The following TMED7 variants were observed in gnomAD, a reference collection of about 807,000 sequenced individuals.
The protein encoded by TMED7 is transmembrane emp24 domain-containing protein 7.
TMED7 carries 8 observed loss-of-function variants against 23.4 expected under a neutral mutation model. The observed-to-expected ratio is 0.34, with a 90% CI of 0.20 to 0.62. TMED7 has a LOEUF of 0.62. TMED7 is among the 20% of genes least tolerant of loss of function. The pLI, the probability that TMED7 is intolerant of heterozygous loss-of-function variation, is 0.77. For synonymous variants in TMED7, 121 were observed against 108.5 expected (o/e 1.12, Z -0.72); for missense variants, 232 against 279.1 (o/e 0.83, Z 1.20).
chr5:115,621,697 A>G (rs1333285344), intron 1 of TMED7, among the ~76,000 whole-genome samples: 1 of 152,196 alleles, frequency 6.6e-6, no homozygotes, highest in Non-Finnish European at 1.5e-5. Context: ...GATTAAAGAG[A>G]AAGGCTTCCT....
chr5:115,615,958 C>A lies in TMED7; in HGVS notation c.*251G>T, dbSNP rs1561588030. Reference sequence around the variant, plus strand: ...TGCGAAGAGTAGATATAAACAACTGCGAACAGAGTAGATCATTGGTGTTGA... The same window carrying A: ...TGCGAAGAGTAGATATAAACAACTGAGAACAGAGTAGATCATTGGTGTTGA... On this transcript the variant is annotated 3_prime_UTR_variant, in exon 3 of 3. Coordinates refer to ENST00000456936, the MANE Select transcript of TMED7 (RefSeq NM_181836.6). The A allele has an allele frequency of 2.0e-6, 1 of 488,656 alleles. No homozygotes were observed. Among genetic ancestry groups the A allele is most frequent in the Non-Finnish European group, 3.7e-6 (1 of 272,452 alleles). The allele number at this position is 488,656 out of a possible 1,614,324, so 30.3% of individuals were successfully genotyped here.
At position 115,616,325 on chromosome 5, in the gene TMED7, C is replaced by A; in HGVS notation, c.559G>T (p.Ala187Ser). 1 of 1,614,186 alleles carries A rather than the reference C, an allele frequency of 6.2e-7. No homozygotes were observed. Among genetic ancestry groups the A allele is most frequent in the Non-Finnish European group, 8.5e-7 (1 of 1,180,006 alleles). The change falls in exon 3 of 3, where the codon GCC becomes TCC. Residue 187 changes from alanine to serine, a missense_variant. Ala to Ser is a moderately conservative substitution (Grantham distance 99). Transcript: ENST00000456936. ...SRAEDLNTRV[A>S]YWSVGEALIL... ...AGGGCTTCTCCTACTGACCAATAGG[C>A]CACTCTTGTATTTAGATCCTCTGCT...
intron 1 of TMED7, among the ~76,000 whole-genome samples, chr5:115,621,545 T>C (rs1757028163): frequency 6.6e-6 from 1 of 152,200 alleles, no homozygotes; most frequent in Non-Finnish European, 1.5e-5. Flanking sequence ...GTAGGTGATA[T>C]GAGTCTGAAC....
At chr5:115,624,520 G>A (rs1757136798) in intron 1 of TMED7, among the ~76,000 whole-genome samples, 1 of 152,154 alleles carries the variant, frequency 6.6e-6, no homozygotes, top group Non-Finnish European at 1.5e-5. Flanking sequence ...CAGCTACCAA[G>A]AATATTCTCG....
chr5:115,617,366 T>C (rs547752808), intron 2 of TMED7, among the ~76,000 whole-genome samples: 6 of 152,356 alleles, frequency 3.9e-5, no homozygotes, highest in African/African-American at 1.4e-4. Context: ...TAATGTTTAA[T>C]GAAGTTCTGC....
At position 115,615,970 on chromosome 5, in the gene TMED7, A is replaced by T; in HGVS notation, c.*239T>A. 3 of 546,880 alleles carry T rather than the reference A, an allele frequency of 5.5e-6. No homozygotes were observed. The highest frequency in any genetic ancestry group is 9.8e-6 in the Non-Finnish European group (3 of 305,342). The allele number at this position is 546,880 out of a possible 1,614,324, so 33.9% of individuals were successfully genotyped here. A position where few individuals can be genotyped will look rare whatever the true frequency, so the allele number is the denominator to read the frequency against. On this transcript the variant is annotated 3_prime_UTR_variant, in exon 3 of 3. Transcript: ENST00000456936. ...ATATAAACAACTGCGAACAGAGTAG[A>T]TCATTGGTGTTGAATATTTAACATG... is the stretch of plus-strand genomic sequence containing the variant.
chr5:115,625,776 G>C lies in TMED7; in HGVS notation c.17C>G (p.Ser6Cys). 2 of 1,452,324 alleles carry C rather than the reference G, an allele frequency of 1.4e-6. No homozygotes were observed. Among genetic ancestry groups the C allele is most frequent in the Non-Finnish European group, 1.8e-6 (2 of 1,106,366 alleles). The allele number at this position is 1,452,324 out of a possible 1,614,324, so 90.0% of individuals were successfully genotyped here. MPRPG[S>C]AQRWAAVAGR... ...CGCGACGGCCGCCCAGCGCTGCGCG[G>C]ACCCCGGCCGCGGCATCCCGAGAAG... The change falls in exon 1 of 3, where the codon TCC becomes TGC. Residue 6 changes from serine to cysteine, a missense_variant. Around this residue, in one of 2 missense-constraint regions of TMED7, gnomAD observed 106 missense variants for 97.0 expected, o/e 1.09. Coordinates refer to ENST00000456936, the MANE Select transcript of TMED7 (RefSeq NM_181836.6).
intron 1 of TMED7, among the ~76,000 whole-genome samples, 176 bp downstream of exon 1, chr5:115,625,425 T>C (rs962035230): frequency 6.6e-6 from 1 of 152,224 alleles, no homozygotes; most frequent in Non-Finnish European, 1.5e-5. Flanking sequence ...GGTCTTAACA[T>C]CTCTCACCCA....
intron 2 of TMED7, 118 bp downstream of exon 2, chr5:115,620,317 G>A (rs1490727344): frequency 2.3e-6 from 3 of 1,280,570 alleles, no homozygotes; most frequent in Non-Finnish European, 3.0e-6. Context: ...AATTAAGATA[G>A]ATTTTAAAGA....
At chr5:115,624,860 C>T (rs1214526609) in intron 1 of TMED7, among the ~76,000 whole-genome samples, 1 of 152,180 alleles carries the variant, frequency 6.6e-6, no homozygotes. Flanking sequence ...GAGCAGATAC[C>T]AGTTAAGAAA....
In TMED7 at chr5:115,616,227, T is replaced by C. The variant is rs1580450077; in HGVS notation, c.657A>G (p.Thr219=). The C allele has an allele frequency of 3.7e-6, 6 of 1,613,886 alleles. No individual in the cohort carries two copies. In the East Asian group the frequency reaches 1.3e-4, roughly 36 times the overall value. Residue 219 remains threonine (T), a synonymous_variant, in exon 3 of 3, where the codon ACA becomes ACG. Coordinates refer to ENST00000456936, the MANE Select transcript of TMED7 (RefSeq NM_181836.6). ...AACGTAGTTATGATCCAACACGAGT[T>C]GTGGTGGTTCTTTTATCTGAGAAAA... ...KSFFSDKRTT[T]TRVGS
At chr5:115,622,801 C>A (rs1757076190) in intron 1 of TMED7, among the ~76,000 whole-genome samples, 1 of 152,196 alleles carries the variant, frequency 6.6e-6, no homozygotes, top group Non-Finnish European at 1.5e-5. Flanking sequence ...TTCAGAACCT[C>A]TTTTATTCAC....
Position 115,616,049 on chromosome 5 carries a change from G to C in TMED7, c.*160C>G, listed in dbSNP as rs1247612987. The C allele has an allele frequency of 1.4e-6, 1 of 726,676 alleles. No homozygotes were observed. Among genetic ancestry groups the C allele is most frequent in the Non-Finnish European group, 2.3e-6 (1 of 443,014 alleles). 45.0% of individuals were successfully genotyped at this position (726,676 alleles called of 1,614,324 possible). On this transcript the variant is annotated 3_prime_UTR_variant, in exon 3 of 3. Coordinates refer to ENST00000456936, the MANE Select transcript of TMED7 (RefSeq NM_181836.6). ...TCCACCTTTACAAATAAAAAAAGGT[G>C]TCCTTTCCACAGTTTGGGAATATGC...
At chr5:115,616,473 G>A (rs1756751707) in intron 2 of TMED7, 28 bp from the exon 3 acceptor site, 3 of 1,613,488 alleles carry the variant, frequency 1.9e-6, no homozygotes, top group Non-Finnish European at 2.5e-6. Context: ...CAGTCAGTAT[G>A]TGTGATACTT....
Position 115,613,789 on chromosome 5 carries a change from A to G in TMED7, c.*2420T>C, listed in dbSNP as rs1046184699. On this transcript the variant is annotated 3_prime_UTR_variant, in exon 3 of 3. Coordinates refer to ENST00000456936, the MANE Select transcript of TMED7 (RefSeq NM_181836.6). Reference sequence around the variant, plus strand: ...AATTGATTATCACCAAGCTTGGATGAAAGCTGTGAACCACAAACCATTTGT... The same window carrying G: ...AATTGATTATCACCAAGCTTGGATGGAAGCTGTGAACCACAAACCATTTGT... The G allele has an allele frequency of 1.3e-5, 2 of 152,602 alleles. No homozygotes were observed. Among genetic ancestry groups the G allele is most frequent in the Non-Finnish European group, 2.9e-5 (2 of 67,970 alleles). 9.5% of individuals were successfully genotyped at this position (152,602 alleles called of 1,614,324 possible).
rs140917118 is a variant in TMED7 at position 115,623,007 on chromosome 5, C to T, written c.193-2327G>A. 7.8e-3 allele frequency among the ~76,000 whole-genome samples: 1,187 copies of T among 152,260 alleles called. 8 individuals carry two copies. The highest frequency in any genetic ancestry group is 0.013 in the Non-Finnish European group (905 of 68,028). The stretch of plus-strand genomic sequence containing the variant: ...TAAATCTACAGTTTATAACATTATA[C>T]GACTATATATGTCTATGTAAGCTCT... On this transcript the variant is annotated intron_variant, in intron 1 of 2. Coordinates refer to ENST00000456936, the MANE Select transcript of TMED7 (RefSeq NM_181836.6).
In TMED7 at chr5:115,625,772, C is replaced by A; in HGVS notation, c.21G>T (p.Ala7=). ...GGCCCGCGACGGCCGCCCAGCGCTGCGCGGACCCCGGCCGCGGCATCCCGA... is the reference window on the plus strand; with the variant it reads ...GGCCCGCGACGGCCGCCCAGCGCTGAGCGGACCCCGGCCGCGGCATCCCGA... MPRPGS[A]QRWAAVAGRW... is the part of the protein sequence containing the mutation. The change falls in exon 1 of 3, where the codon GCG becomes GCT. Residue 7 remains alanine, a synonymous_variant. Coordinates refer to ENST00000456936, the MANE Select transcript of TMED7 (RefSeq NM_181836.6). 6.8e-7 allele frequency: 1 copy of A among 1,471,068 alleles called. No homozygotes were observed. The highest frequency in any genetic ancestry group is 9.0e-7 in the Non-Finnish European group (1 of 1,114,340). The allele number at this position is 1,471,068 out of a possible 1,614,324, so 91.1% of individuals were successfully genotyped here.
intron 1 of TMED7, among the ~76,000 whole-genome samples, chr5:115,625,274 A>T (rs1447117298): frequency 6.6e-6 from 1 of 152,224 alleles, no homozygotes; most frequent in East Asian, 1.9e-4. Flanking sequence ...TAGAGAGTAG[A>T]GGGTTGACAC....
chr5:115,626,010 G>A lies in TMED7; in HGVS notation c.-218C>T. The A allele has an allele frequency of 1.9e-6, 1 of 519,870 alleles. No homozygotes were observed. Among genetic ancestry groups the A allele is most frequent in the Non-Finnish European group, 3.0e-6 (1 of 337,314 alleles). 32.2% of individuals were successfully genotyped at this position (519,870 alleles called of 1,614,324 possible). A position where few individuals can be genotyped will look rare whatever the true frequency, so the allele number is the denominator to read the frequency against. On this transcript the variant is annotated 5_prime_UTR_variant, in exon 1 of 3. Transcript: ENST00000456936. ...GGGGAGGTAAAAGAGAAGCGGAAAA[G>A]GCCTGAGAGGGTCGGAAGTGGGGAT...
Sources: allele counts gnomAD v4.1 joint callset (sites outside exome capture counted in the v4.1 genomes callset), GRCh38; gene constraint gnomAD v4.1.1; regional missense constraint gnomAD v4.1.1; transcripts MANE v1.5; gene names NCBI Gene and HGNC (gene_info 2026-07-23, HGNC 2026-07-21).